Variants in PHIP observed in about 807,000 individuals in gnomAD.
PHIP encodes PH-interacting protein.
In PHIP, 54 loss-of-function variants were observed where a neutral mutation model predicts 236.8. The ratio of observed to expected loss-of-function variants is 0.23; its 90% CI spans 0.18 to 0.29. PHIP has a LOEUF of 0.29. Among genes scored for constraint, PHIP ranks in the 10% least tolerant of loss-of-function variants. The pLI, the probability that PHIP is intolerant of heterozygous loss-of-function variation, is 1.00. For synonymous variants in PHIP, 756 were observed against 718.9 expected, an observed-to-expected ratio of 1.05 and a Z score of -0.83; for missense variants, 1,370 against 2,190.8, an observed-to-expected ratio of 0.63 and a Z score of 7.48.
At chr6:78,945,549 A>T (rs769688115) in intron 38 of PHIP, 52 bp from the exon 39 acceptor site, 1 of 1,129,742 alleles carries the variant, frequency 8.9e-7, no homozygotes, top group Non-Finnish European at 1.3e-6. Flanking sequence ...ACCTAAAGAT[A>T]AGAAAAAAGG....
rs559491844 is a variant in PHIP, at chr6:79,015,584, T to C, written c.1389+46A>G. ...TCCTCAATGAGAATGTTTCATTCTA[T>C]AGTCAGCTTCAGTTATATCAAATAA... On this transcript the variant is annotated intron_variant, in intron 14 of 39. Transcript: ENST00000275034. 1.3e-5 allele frequency: 18 copies of C among 1,357,324 alleles called. No homozygotes were observed. The African/African-American group carries it at 2.2e-4, about 17-fold the overall frequency. 84.1% of individuals were successfully genotyped at this position (1,357,324 alleles called of 1,614,324 possible).
intron 15 of PHIP, among the ~76,000 whole-genome samples, chr6:79,014,865 T>C (rs1245274857): frequency 2.0e-5 from 3 of 151,900 alleles, no homozygotes; most frequent in African/African-American, 7.2e-5. Flanking sequence ...CTGTATCAGT[T>C]ATCACAATGT....
rs1343617909 is a variant in PHIP at position 79,015,075 on chromosome 6, T to A, written c.1524+7A>T. The A allele has an allele frequency of 6.2e-7, 1 of 1,607,948 alleles. No homozygotes were observed. The highest frequency in any genetic ancestry group is 1.3e-5 in the African/African-American group (1 of 74,754). ...AGTAGGTATAAAATGAAGAGAATGA[T>A]AATTACCATATTGAAATAAGATCGT... On this transcript the variant is annotated splice_region_variant and intron_variant, in intron 15 of 39. Coordinates refer to ENST00000275034, the MANE Select transcript of PHIP (RefSeq NM_017934.7).
chr6:79,054,722 A>C (rs981487414), intron 6 of PHIP, among the ~76,000 whole-genome samples: 1 of 151,462 alleles, frequency 6.6e-6, no homozygotes, highest in Non-Finnish European at 1.5e-5. Context: ...TAAACCTAAG[A>C]GTCTAAGAAA....
intron 32 of PHIP, chr6:78,956,607 G>T (rs956841699): frequency 2.6e-5 from 4 of 152,036 alleles, no homozygotes; most frequent in Non-Finnish European, 5.9e-5. Flanking sequence ...CAGATTTATA[G>T]CACTGTATCT....
At chr6:79,040,614 C>G (rs1417829829) in intron 7 of PHIP, among the ~76,000 whole-genome samples, 1 of 152,022 alleles carries the variant, frequency 6.6e-6, no homozygotes, top group Non-Finnish European at 1.5e-5. Context: ...GACTAGTTAG[C>G]GTCTAGTCTG....
intron 6 of PHIP, among the ~76,000 whole-genome samples, chr6:79,057,428 G>C (rs1773128875): frequency 6.6e-6 from 1 of 152,030 alleles, no homozygotes; most frequent in Non-Finnish European, 1.5e-5. Flanking sequence ...TATAACATTT[G>C]GGGAAACTGC....
At chr6:79,028,915 T>C (rs1771528241) in intron 7 of PHIP, among the ~76,000 whole-genome samples, 1 of 152,162 alleles carries the variant, frequency 6.6e-6, no homozygotes, top group African/African-American at 2.4e-5. Flanking sequence ...AAAATGTCAG[T>C]TTTAATGAAA....
chr6:78,966,302 C>T (rs532434033), intron 27 of PHIP, among the ~76,000 whole-genome samples: 54 of 152,156 alleles, frequency 3.5e-4, no homozygotes, highest in Non-Finnish European at 5.6e-4. Context: ...TTAAGGTATA[C>T]AGAAATTCAC....
intron 32 of PHIP, 126 bp from the exon 33 acceptor site, chr6:78,955,808 G>A: frequency 2.1e-6 from 1 of 474,516 alleles, no homozygotes; most frequent in Non-Finnish European, 3.8e-6. Context: ...CTTCTCCATT[G>A]GCTTACTCCA....
chr6:78,966,400 C>T (rs760850559), intron 27 of PHIP, among the ~76,000 whole-genome samples: 9 of 152,040 alleles, frequency 5.9e-5, no homozygotes, highest in East Asian at 1.9e-4. Flanking sequence ...ATTATAATTG[C>T]GGCAAGTTCC....
In PHIP at chr6:79,019,175, T is replaced by A; in HGVS notation, c.924-16A>T. The A allele has an allele frequency of 6.3e-7, 1 of 1,581,832 alleles. No homozygotes were observed. The highest frequency in any genetic ancestry group is 8.7e-7 in the Non-Finnish European group (1 of 1,152,382). The stretch of plus-strand genomic sequence containing the variant: ...AGGTCTTGGGCTGTAATACAAAAAA[T>A]AAAGAATTAAAAATATCCTAAAGGA... On this transcript the variant is annotated splice_polypyrimidine_tract_variant and intron_variant, in intron 9 of 39. Coordinates refer to ENST00000275034, the MANE Select transcript of PHIP (RefSeq NM_017934.7).
chr6:79,020,549 T>C (rs1452540979), intron 9 of PHIP, among the ~76,000 whole-genome samples: 1 of 152,248 alleles, frequency 6.6e-6, no homozygotes, highest in Non-Finnish European at 1.5e-5. Context: ...TAGATTTTTT[T>C]TAATTTTTGG....
chr6:78,990,600 A>C (rs1769174801), intron 20 of PHIP, among the ~76,000 whole-genome samples: 1 of 152,206 alleles, frequency 6.6e-6, no homozygotes, highest in African/African-American at 2.4e-5. Context: ...GAGCTAAAGA[A>C]AGTTCTTGAT....
At chr6:79,031,013 G>A (rs904869527) in intron 7 of PHIP, among the ~76,000 whole-genome samples, 2 of 151,806 alleles carry the variant, frequency 1.3e-5, no homozygotes, top group Non-Finnish European at 2.9e-5. Flanking sequence ...GTGCGATCTC[G>A]GCTCACTGCA....
intron 32 of PHIP, chr6:78,957,300 A>C (rs1424139865): frequency 6.6e-6 from 1 of 152,014 alleles, no homozygotes; most frequent in East Asian, 1.9e-4. Context: ...TAGTTATAAC[A>C]CTTATAAAAA....
chr6:78,963,933 G>A (rs1346417909), intron 29 of PHIP, among the ~76,000 whole-genome samples: 3 of 151,778 alleles, frequency 2.0e-5, no homozygotes, highest in Non-Finnish European at 2.9e-5. Flanking sequence ...CTATAGGTTC[G>A]TATGAATGTG....
At chr6:79,051,920 GT>G (rs66570011) in intron 6 of PHIP, among the ~76,000 whole-genome samples, 62 of 151,356 alleles carry the variant, frequency 4.1e-4, no homozygotes, top group African/African-American at 1.2e-3. Flanking sequence ...AAGTTAGGTG[GT>G]TTTTTTTAAT....
chr6:78,992,348 AAGG>A (rs1393882435), intron 19 of PHIP, among the ~76,000 whole-genome samples: 6 of 152,138 alleles, frequency 3.9e-5, no homozygotes. Context: ...ACAACATCAG[AAGG>A]AGGATGCTGA....
Sources: allele counts gnomAD v4.1 joint callset (sites outside exome capture counted in the v4.1 genomes callset), GRCh38; gene constraint gnomAD v4.1.1; transcripts MANE v1.5; gene names NCBI Gene and HGNC (gene_info 2026-07-23, HGNC 2026-07-21).